NETO1: variants seen among roughly 807,000 people sequenced by gnomAD.
The protein encoded by NETO1 is neuropilin and tolloid like 1.
In NETO1, 26 loss-of-function variants were observed where a neutral mutation model predicts 61.3. The observed-to-expected ratio is 0.42, with a 90% CI of 0.31 to 0.59. The LOEUF (loss-of-function observed/expected upper bound fraction) is 0.59. Among genes scored for constraint, NETO1 ranks in the 20% least tolerant of loss-of-function variants. NETO1 has a pLI of 0.12. For synonymous variants in NETO1, 225 were observed against 225.8 expected, an observed-to-expected ratio of 1.00 and a Z score of 0.03; for missense variants, 531 against 662.8, an observed-to-expected ratio of 0.80 and a Z score of 2.18.
chr18:72,817,233 C>T (rs2073057877), intron 4 of NETO1, among the ~76,000 whole-genome samples: 1 of 152,190 alleles, frequency 6.6e-6, no homozygotes, highest in African/African-American at 2.4e-5. Flanking sequence ...TGTTGATATG[C>T]TCCCTCTTGT....
At chr18:72,750,739 AT>A in intron 8 of NETO1, 119 bp from the exon 9 acceptor site, 3 of 635,612 alleles carry the variant, frequency 4.7e-6, no homozygotes, top group Non-Finnish European at 7.7e-6. Context: ...TGAGCACAGA[AT>A]TTTTACAGGC....
In NETO1 at chr18:72,772,817, CTCTCTCTCTATATATATATATATA is replaced by C. The variant is rs1202921752; in HGVS notation, c.868+10837_868+10860del. Among the ~76,000 whole-genome samples, 171 of 54,280 alleles carry C rather than the reference CTCTCTCTCTATATATATATATATA, an allele frequency of 3.2e-3. 1 individual carries two copies. The highest frequency in any genetic ancestry group is 7.5e-3 in the African/African-American group (111 of 14,842). The allele number at this position is 54,280 out of a possible 152,430, so 35.6% of individuals were successfully genotyped here. On this transcript the variant is annotated intron_variant, in intron 7 of 10. Coordinates refer to ENST00000327305, the MANE Select transcript of NETO1 (RefSeq NM_138966.5). ...GTTCTCTCTCTCTCTCTCTCTCTCT[CTCTCTCTCTATATATATATATATA>C]TATATATATATATATATATATATAT...
intron 7 of NETO1, among the ~76,000 whole-genome samples, chr18:72,780,980 A>C (rs896854555): frequency 1.3e-5 from 2 of 152,168 alleles, no homozygotes; most frequent in African/African-American, 4.8e-5. Flanking sequence ...ACTTTAATAC[A>C]GGCTAATGTT....
intron 4 of NETO1, among the ~76,000 whole-genome samples, chr18:72,818,723 G>A (rs2073099939): frequency 6.6e-6 from 1 of 151,660 alleles, no homozygotes; most frequent in Admixed American, 6.6e-5. Flanking sequence ...ATCTTTCTTG[G>A]GGAAAAATAC....
intron 7 of NETO1, among the ~76,000 whole-genome samples, chr18:72,778,094 C>T (rs1179766941): frequency 1.3e-5 from 2 of 152,256 alleles, no homozygotes; most frequent in South Asian, 2.1e-4. Flanking sequence ...CAGAAAGTGC[C>T]GGGTTAACAG....
intron 3 of NETO1, among the ~76,000 whole-genome samples, 165 bp downstream of exon 3, chr18:72,864,643 A>G (rs1027553106): frequency 1.3e-5 from 2 of 152,256 alleles, no homozygotes; most frequent in African/African-American, 4.8e-5. Context: ...CTCAATAATT[A>G]GCCTGATTCC....
intron 7 of NETO1, among the ~76,000 whole-genome samples, chr18:72,771,444 A>C (rs1268916688): frequency 2.0e-5 from 3 of 152,214 alleles, no homozygotes; most frequent in Non-Finnish European, 4.4e-5. Context: ...TGAGTCACAC[A>C]CTTGAGTTGA....
chr18:72,838,521 C>T (rs1420255807), intron 4 of NETO1, among the ~76,000 whole-genome samples: 2 of 152,204 alleles, frequency 1.3e-5, no homozygotes, highest in African/African-American at 4.8e-5. Flanking sequence ...ACAGGCTTGA[C>T]TTAGTGCTTC....
intron 7 of NETO1, among the ~76,000 whole-genome samples, chr18:72,761,713 CA>C (rs200345721): frequency 0.013 from 2,009 of 152,290 alleles, 52 homozygotes; most frequent in South Asian, 0.069. Context: ...AAAATCTTCA[CA>C]GTAATTTAGT....
chr18:72,756,603 G>C (rs2070791562), intron 7 of NETO1, among the ~76,000 whole-genome samples: 1 of 151,842 alleles, frequency 6.6e-6, no homozygotes, highest in South Asian at 2.1e-4. Flanking sequence ...AGCAAACCCT[G>C]TAACATTACT....
intron 4 of NETO1, among the ~76,000 whole-genome samples, chr18:72,850,649 T>C (rs537225087): frequency 1.3e-5 from 2 of 152,372 alleles, no homozygotes; most frequent in African/African-American, 4.8e-5. Context: ...CAGAAGATTT[T>C]ACCAAGAAGC....
chr18:72,838,084 A>G (rs567101404), intron 4 of NETO1, among the ~76,000 whole-genome samples: 1 of 152,282 alleles, frequency 6.6e-6, no homozygotes, highest in South Asian at 2.1e-4. Context: ...CCCCTATGAC[A>G]GGTATCTCTA....
chr18:72,808,599 A>T (rs2145186536), intron 4 of NETO1, among the ~76,000 whole-genome samples: 1 of 152,340 alleles, frequency 6.6e-6, no homozygotes, highest in African/African-American at 2.4e-5. Context: ...TCTCAAAATT[A>T]TTTAAAGATG....
At chr18:72,766,259 G>A (rs150607259) in intron 7 of NETO1, among the ~76,000 whole-genome samples, 1 of 136,738 alleles carries the variant, frequency 7.3e-6, no homozygotes, top group Admixed American at 7.6e-5. Flanking sequence ...TGTGTGTGTA[G>A]CTTGCTACTA....
chr18:72,864,586 T>G (rs1464763349), intron 3 of NETO1, among the ~76,000 whole-genome samples: 1 of 152,208 alleles, frequency 6.6e-6, no homozygotes, highest in East Asian at 1.9e-4. Flanking sequence ...TGTTCATCTG[T>G]TTTTATTGCA....
intron 4 of NETO1, among the ~76,000 whole-genome samples, chr18:72,828,547 T>C (rs1296016111): frequency 6.6e-6 from 1 of 152,238 alleles, no homozygotes; most frequent in Non-Finnish European, 1.5e-5. Flanking sequence ...TTTCAAACTA[T>C]AATTGAAAGT....
chr18:72,795,294 T>A (rs1401103121), intron 4 of NETO1, among the ~76,000 whole-genome samples: 8 of 152,174 alleles, frequency 5.3e-5, no homozygotes, highest in Admixed American at 5.2e-4. Context: ...GTGTATACCA[T>A]TTTTCTGGCT....
At chr18:72,819,710 C>T (rs1341060764) in intron 4 of NETO1, among the ~76,000 whole-genome samples, 1 of 151,910 alleles carries the variant, frequency 6.6e-6, no homozygotes, top group East Asian at 1.9e-4. Context: ...TCTAAAATTT[C>T]CACCTAGTAA....
intron 4 of NETO1, among the ~76,000 whole-genome samples, chr18:72,798,150 G>A (rs2072382054): frequency 6.6e-6 from 1 of 152,216 alleles, no homozygotes; most frequent in Non-Finnish European, 1.5e-5. Context: ...GCAGAGGCAG[G>A]ACAGCAAAGG....
Sources: allele counts gnomAD v4.1 joint callset (sites outside exome capture counted in the v4.1 genomes callset), GRCh38; gene constraint gnomAD v4.1.1; transcripts MANE v1.5; gene names NCBI Gene and HGNC (gene_info 2026-07-23, HGNC 2026-07-21).